The following TACC1 variants were observed in gnomAD, a reference collection of about 807,000 sequenced individuals.
TACC1 encodes transforming acidic coiled-coil-containing protein 1.
Under a neutral mutation model 84.4 loss-of-function variants are expected in TACC1, and 48 were observed. The ratio of observed to expected loss-of-function variants is 0.57; its 90% CI spans 0.45 to 0.72. The LOEUF is 0.72. Among genes scored for constraint, TACC1 ranks in the 30% least tolerant of loss-of-function variants. TACC1 has a pLI of 0.00. For missense variants in TACC1, 920 were observed against 973.0 expected, an observed-to-expected ratio of 0.95 and a Z score of 0.72; for synonymous variants, 372 against 376.3, an observed-to-expected ratio of 0.99 and a Z score of 0.13.
chr8:38,824,741 A>G (rs952030779), intron 3 of TACC1: 1 of 153,212 alleles, frequency 6.5e-6, no homozygotes, highest in Non-Finnish European at 1.5e-5. Flanking sequence ...TTCATCTTCC[A>G]TCTTACTACT....
intron 3 of TACC1, among the ~76,000 whole-genome samples, chr8:38,759,726 T>C (rs1485845043): frequency 6.6e-6 from 1 of 152,218 alleles, no homozygotes. Context: ...CTCATCTGTA[T>C]GTGTAGACTC....
chr8:38,832,837 C>T (rs1829533314), intron 6 of TACC1, among the ~76,000 whole-genome samples: 1 of 152,206 alleles, frequency 6.6e-6, no homozygotes, highest in Non-Finnish European at 1.5e-5. Context: ...TGAGCACAGT[C>T]AGCACACTGC....
At position 38,827,452 on chromosome 8, in the gene TACC1, C is replaced by T; in HGVS notation, c.1660+77C>T. On this transcript the variant is annotated intron_variant, in intron 5 of 12. Coordinates refer to ENST00000317827, the MANE Select transcript of TACC1 (RefSeq NM_006283.3). ...GAAAGCCTAATAAAGCAGGAGGAGC[C>T]TTACAGAGATTAAAGAATTGGGTCA... 3 of 1,458,270 alleles carry T rather than the reference C, an allele frequency of 2.1e-6. No homozygotes were observed. In the South Asian group the frequency reaches 3.6e-5, roughly 17 times the overall value. The allele number at this position is 1,458,270 out of a possible 1,614,324, so 90.3% of individuals were successfully genotyped here. A position where few individuals can be genotyped will look rare whatever the true frequency, so the allele number is the denominator to read the frequency against.
At chr8:38,781,354 T>C (rs1331927399) in intron 3 of TACC1, among the ~76,000 whole-genome samples, 1 of 151,876 alleles carries the variant, frequency 6.6e-6, no homozygotes, top group Non-Finnish European at 1.5e-5. Flanking sequence ...GAAGAAGGAA[T>C]AAAATGGCTG....
chr8:38,827,834 C>A, intron 5 of TACC1: 1 of 160,626 alleles, frequency 6.2e-6, no homozygotes, highest in Non-Finnish European at 1.4e-5. Flanking sequence ...TGGTGGAAGG[C>A]AAGGGGGAGC....
intron 1 of TACC1, chr8:38,788,123 TC>T (rs1244799046): frequency 7.1e-5 from 15 of 210,198 alleles, no homozygotes; most frequent in Admixed American, 1.2e-4. Context: ...CCCCGGCCCT[TC>T]CCGGGGCCCT....
At chr8:38,846,612 T>C (rs1419788819) in intron 11 of TACC1, 87 bp from the exon 12 acceptor site, 1 of 1,513,772 alleles carries the variant, frequency 6.6e-7, no homozygotes, top group Non-Finnish European at 9.0e-7. Flanking sequence ...GCCTCACAGA[T>C]GTCAGTGGTT....
chr8:38,840,257 T>C lies in TACC1; in HGVS notation c.1950T>C (p.Ala650=), dbSNP rs1830984236. The C allele has an allele frequency of 6.2e-7, 1 of 1,612,990 alleles. No individual in the cohort carries two copies. Among genetic ancestry groups the C allele is most frequent in the Non-Finnish European group, 8.5e-7 (1 of 1,179,232 alleles). ...KIVAEYEKTI[A]QMIEDEQRTS... ...TAGCTGAATATGAAAAGACTATTGC[T>C]CAAATGATTGGTAAGGAGAACATTT... Residue 650 remains alanine (A), a synonymous_variant, in exon 9 of 13, where the codon GCT becomes GCC. Coordinates refer to ENST00000317827, the MANE Select transcript of TACC1 (RefSeq NM_006283.3).
At position 38,820,468 on chromosome 8, in the gene TACC1, C is replaced by A; in HGVS notation, c.1224C>A (p.Pro408=). The A allele has an allele frequency of 6.2e-7, 1 of 1,614,200 alleles. No individual in the cohort carries two copies. The highest frequency in any genetic ancestry group is 8.5e-7 in the Non-Finnish European group (1 of 1,180,034). The change falls in exon 3 of 13, where the codon CCC becomes CCA. Residue 408 remains proline (P), a synonymous_variant. Transcript: ENST00000317827. The part of the protein sequence containing the change: ...GSHSVLQNSP[P]LSSEGSYHFD... Reference sequence around the variant, plus strand: ...ACTCTGTTCTGCAGAACTCCCCACCCCTCTCTTCTGAGGGCTCCTACCACT... The same window carrying A: ...ACTCTGTTCTGCAGAACTCCCCACCACTCTCTTCTGAGGGCTCCTACCACT...
chr8:38,803,817 T>C (rs1248026857), intron 2 of TACC1, among the ~76,000 whole-genome samples: 1 of 152,196 alleles, frequency 6.6e-6, no homozygotes, highest in African/African-American at 2.4e-5. Flanking sequence ...CCTCGGTATT[T>C]TTTGGAAAAG....
intron 5 of TACC1, chr8:38,827,629 T>C: frequency 7.9e-6 from 4 of 507,576 alleles, no homozygotes; most frequent in Non-Finnish European, 1.4e-5. Context: ...TGAATTTCTT[T>C]ATAATTTTAT....
intron 6 of TACC1, among the ~76,000 whole-genome samples, chr8:38,835,019 C>T (rs1265130972): frequency 3.9e-5 from 6 of 151,992 alleles, no homozygotes; most frequent in Admixed American, 1.3e-4. Context: ...TTTGGGAGGC[C>T]GAGGCAGGCA....
At chr8:38,797,248 G>A (rs1464622725) in intron 2 of TACC1, among the ~76,000 whole-genome samples, 1 of 152,336 alleles carries the variant, frequency 6.6e-6, no homozygotes, top group East Asian at 1.9e-4. Flanking sequence ...GTATCCTTTT[G>A]GTTACACAGG....
intron 2 of TACC1, chr8:38,802,054 C>T (rs62506667): frequency 0.19 from 29,050 of 152,156 alleles, 3,413 homozygotes; most frequent in Non-Finnish European, 0.27. Flanking sequence ...GAATCACAGG[C>T]GCATGCCACC....
Position 38,846,718 on chromosome 8 carries a change from C to A in TACC1, c.2248C>A (p.Gln750Lys), listed in dbSNP as rs775608151. ...AAACAGAGCCAATGAAGAGATTGCTCAGGTTCGAACAAAAGCAAAGGCTGA... is the reference window on the plus strand; with the variant it reads ...AAACAGAGCCAATGAAGAGATTGCTAAGGTTCGAACAAAAGCAAAGGCTGA... ...KLDKANEEIA[Q>K]VRTKAKAESA... Residue 750 changes from glutamine (Q) to lysine (K), a missense_variant, in exon 12 of 13, where the codon CAG becomes AAG. Around this residue, in one of 2 missense-constraint regions of TACC1, gnomAD observed 158 missense variants for 225.6 expected, o/e 0.70. Coordinates refer to ENST00000317827, the MANE Select transcript of TACC1 (RefSeq NM_006283.3). The A allele has an allele frequency of 6.8e-6, 11 of 1,613,944 alleles. No homozygotes were observed. The highest frequency in any genetic ancestry group is 8.5e-6 in the Non-Finnish European group (10 of 1,180,012).
At position 38,820,069 on chromosome 8, in the gene TACC1, A is replaced by C; in HGVS notation, c.825A>C (p.Thr275=). 6.2e-7 allele frequency: 1 copy of C among 1,614,126 alleles called. No individual in the cohort carries two copies. Among genetic ancestry groups the C allele is most frequent in the Non-Finnish European group, 8.5e-7 (1 of 1,180,006 alleles). ...GTCCTGAAGAGTTGGATGAGAACAC[A>C]AGTCCTTTGCTAGGAGATGCCAGGT... ...HFSPEELDEN[T]SPLLGDARFQ... Residue 275 remains threonine (T), a synonymous_variant, in exon 3 of 13, where the codon ACA becomes ACC. Transcript: ENST00000317827.
At chr8:38,800,654 G>A (rs879251703) in intron 2 of TACC1, among the ~76,000 whole-genome samples, 4 of 151,986 alleles carry the variant, frequency 2.6e-5, no homozygotes, top group African/African-American at 7.3e-5. Flanking sequence ...TTATTTACCC[G>A]TTTATTGGTT....
intron 3 of TACC1, among the ~76,000 whole-genome samples, chr8:38,781,581 G>T (rs1038772809): frequency 6.6e-6 from 1 of 151,958 alleles, no homozygotes; most frequent in East Asian, 1.9e-4. Context: ...GGGTTTCGCC[G>T]TGTTGGCCAG....
intron 3 of TACC1, among the ~76,000 whole-genome samples, chr8:38,823,678 A>C (rs1827377827): frequency 6.6e-6 from 1 of 152,138 alleles, no homozygotes. Context: ...GCAATCAAAA[A>C]TCTTGTCGTC....
Sources: gnomAD v4.1 joint callset for allele counts (sites outside exome capture counted in the v4.1 genomes callset) on GRCh38, gnomAD v4.1.1 for gene constraint, gnomAD v4.1.1 regional missense constraint, MANE v1.5 for transcripts, NCBI Gene and HGNC (gene_info 2026-07-23, HGNC 2026-07-21) for gene names.